The following SNTG2 variants were observed in gnomAD, a reference collection of about 807,000 sequenced individuals.
The protein encoded by SNTG2 is syntrophin gamma 2, also known as gamma-2-syntrophin.
A neutral mutation model predicts 70.9 loss-of-function variants in SNTG2; 74 were observed. The observed-to-expected ratio is 1.04, with a 90% CI of 0.86 to 1.27. The LOEUF (loss-of-function observed/expected upper bound fraction) is 1.27. Ranked by LOEUF, SNTG2 falls within the 50% of genes most tolerant of loss-of-function variation. The pLI is 0.00. For missense variants in SNTG2, 717 were observed against 690.7 expected, an observed-to-expected ratio of 1.04 and a Z score of -0.43; for synonymous variants, 278 against 273.8, an observed-to-expected ratio of 1.02 and a Z score of -0.15.
intron 8 of SNTG2, among the ~76,000 whole-genome samples, chr2:1,194,610 A>G (rs1406131848): frequency 2.0e-5 from 3 of 151,980 alleles, no homozygotes; most frequent in Admixed American, 1.3e-4. Flanking sequence ...TTCTTTCCCC[A>G]TTATGTTTGT....
chr2:1,011,515 G>A (rs1419702329), intron 1 of SNTG2, among the ~76,000 whole-genome samples: 1 of 152,114 alleles, frequency 6.6e-6, no homozygotes, highest in Non-Finnish European at 1.5e-5. Flanking sequence ...AAATCATACC[G>A]TATTTGCATT....
chr2:1,173,469 G>A (rs745531092), intron 8 of SNTG2, among the ~76,000 whole-genome samples: 6 of 152,198 alleles, frequency 3.9e-5, no homozygotes, highest in Admixed American at 6.5e-5. Context: ...ACATATCACC[G>A]TGACTGTAGG....
At chr2:1,152,971 A>G (rs958031207) in intron 6 of SNTG2, among the ~76,000 whole-genome samples, 7 of 152,134 alleles carry the variant, frequency 4.6e-5, no homozygotes, top group Admixed American at 6.5e-5. Context: ...TAAAAATACA[A>G]AAATTAGCTG....
chr2:953,078 A>T (rs1290919395), intron 1 of SNTG2, among the ~76,000 whole-genome samples: 1 of 152,186 alleles, frequency 6.6e-6, no homozygotes, highest in Non-Finnish European at 1.5e-5. Context: ...ATTCTTTATC[A>T]TGACTGCTTG....
At chr2:1,338,619 T>C (rs992540795) in intron 16 of SNTG2, among the ~76,000 whole-genome samples, 4 of 152,208 alleles carry the variant, frequency 2.6e-5, no homozygotes, top group Non-Finnish European at 5.9e-5. Flanking sequence ...AGTGCAATAG[T>C]AGAATAGATT....
chr2:1,241,915 G>A (rs1315999993), intron 11 of SNTG2, among the ~76,000 whole-genome samples: 1 of 151,936 alleles, frequency 6.6e-6, no homozygotes, highest in Non-Finnish European at 1.5e-5. Context: ...ACCCTTCTCT[G>A]GTGTTGTAAT....
At chr2:1,135,539 G>A (rs1375694143) in intron 4 of SNTG2, among the ~76,000 whole-genome samples, 1 of 152,176 alleles carries the variant, frequency 6.6e-6, no homozygotes, top group East Asian at 1.9e-4. Flanking sequence ...GGCCAACATG[G>A]CAAAACCACG....
chr2:1,141,628 C>G (rs1323506923), intron 6 of SNTG2, among the ~76,000 whole-genome samples: 1 of 152,208 alleles, frequency 6.6e-6, no homozygotes, highest in African/African-American at 2.4e-5. Context: ...CCACATCTTT[C>G]AAGTTTTCCC....
chr2:1,014,744 G>T (rs1430064611), intron 1 of SNTG2, among the ~76,000 whole-genome samples: 1 of 150,572 alleles, frequency 6.6e-6, no homozygotes, highest in African/African-American at 2.4e-5. Flanking sequence ...TGGGCAGAGA[G>T]AGAAGGGTGG....
intron 6 of SNTG2, among the ~76,000 whole-genome samples, chr2:1,139,220 G>T (rs548827983): frequency 6.6e-6 from 1 of 152,146 alleles, no homozygotes; most frequent in East Asian, 1.9e-4. Flanking sequence ...TTTTTTGTTT[G>T]TTTGTTTGTT....
intron 9 of SNTG2, chr2:1,210,674 T>C (rs1673981697): frequency 6.6e-6 from 1 of 152,238 alleles, no homozygotes; most frequent in Admixed American, 6.5e-5. Flanking sequence ...GAAGGCTCTA[T>C]TCATGGTGAG....
intron 1 of SNTG2, among the ~76,000 whole-genome samples, chr2:1,018,286 G>A (rs938752612): frequency 2.6e-5 from 4 of 152,196 alleles, no homozygotes; most frequent in African/African-American, 9.6e-5. Flanking sequence ...GTAGTGAGGA[G>A]ACAAGCAGCC....
At chr2:1,032,381 G>A (rs1200686203) in intron 1 of SNTG2, among the ~76,000 whole-genome samples, 3 of 151,818 alleles carry the variant, frequency 2.0e-5, no homozygotes, top group Admixed American at 6.6e-5. Context: ...CTACACACAC[G>A]CACGCACATA....
At chr2:1,172,969 T>C (rs2147883469) in intron 7 of SNTG2, 123 bp from the exon 8 acceptor site, 1 of 821,662 alleles carries the variant, frequency 1.2e-6, no homozygotes. Context: ...AGCCCATAAC[T>C]GGACACCAGG....
intron 1 of SNTG2, among the ~76,000 whole-genome samples, chr2:1,000,988 C>T (rs191517660): frequency 2.6e-5 from 4 of 152,028 alleles, no homozygotes; most frequent in African/African-American, 2.4e-5. Flanking sequence ...AAATGTGATT[C>T]GCCACGTAAA....
intron 14 of SNTG2, among the ~76,000 whole-genome samples, chr2:1,300,610 C>G (rs555446209): frequency 6.6e-6 from 1 of 152,278 alleles, no homozygotes; most frequent in Admixed American, 6.5e-5. Flanking sequence ...TTCCCATACC[C>G]CATCCTGATG....
At chr2:1,037,988 CT>C (rs1661226015) in intron 1 of SNTG2, among the ~76,000 whole-genome samples, 1 of 152,154 alleles carries the variant, frequency 6.6e-6, no homozygotes, top group African/African-American at 2.4e-5. Context: ...CATGGTCACT[CT>C]GCTTCTCATC....
intron 16 of SNTG2, among the ~76,000 whole-genome samples, chr2:1,346,930 G>C (rs2148300506): frequency 6.6e-6 from 1 of 152,254 alleles, no homozygotes; most frequent in East Asian, 1.9e-4. Flanking sequence ...CTGAAGTTAA[G>C]ATGAAGTCAT....
At chr2:1,224,307 C>T (rs1024620641) in intron 9 of SNTG2, among the ~76,000 whole-genome samples, 1 of 152,226 alleles carries the variant, frequency 6.6e-6, no homozygotes, top group Admixed American at 6.5e-5. Flanking sequence ...TTAGGCCAAA[C>T]TTTTCCATTA....
Sources: gnomAD v4.1 joint callset for allele counts (sites outside exome capture counted in the v4.1 genomes callset) on GRCh38, gnomAD v4.1.1 for gene constraint, MANE v1.5 for transcripts, NCBI Gene and HGNC (gene_info 2026-07-23, HGNC 2026-07-21) for gene names.